The following KIRREL3 variants were observed in gnomAD, a reference collection of about 807,000 sequenced individuals.
The protein encoded by KIRREL3 is kirre like nephrin family adhesion molecule 3, also known as kin of IRRE-like protein 3.
Under a neutral mutation model 89.7 loss-of-function variants are expected in KIRREL3, and 36 were observed. That is an observed-to-expected ratio of 0.40 (90% CI 0.31 to 0.53). The LOEUF (loss-of-function observed/expected upper bound fraction) is 0.53. KIRREL3 is among the 20% of genes least tolerant of loss of function. The pLI is 0.49. For missense variants in KIRREL3, 864 were observed against 1,056.6 expected (o/e 0.82, Z 2.53); for synonymous variants, 445 against 441.4 (o/e 1.01, Z -0.10).
chr11:126,598,531 A>T (rs1942502354), intron 1 of KIRREL3, among the ~76,000 whole-genome samples: 1 of 152,134 alleles, frequency 6.6e-6, no homozygotes, highest in Non-Finnish European at 1.5e-5. Flanking sequence ...CCTGCCTGAA[A>T]TGTGGGGCTG....
Position 126,460,679 on chromosome 11 carries a change from G to C in KIRREL3, c.742+2478C>G, listed in dbSNP as rs115160565. Among the ~76,000 whole-genome samples, 500 of 152,316 alleles carry C rather than the reference G, an allele frequency of 3.3e-3. 4 individuals carry two copies. The highest frequency in any genetic ancestry group is 0.011 in the African/African-American group (460 of 41,568). ...TGGCAAGACCCAGTGTCCTCTGGAT[G>C]CAGACTGTCACCTGCACCCTGTTGA... On this transcript the variant is annotated intron_variant, in intron 6 of 16. Coordinates refer to ENST00000525144, the MANE Select transcript of KIRREL3 (RefSeq NM_032531.4).
At chr11:126,738,561 A>G (rs1384004654) in intron 1 of KIRREL3, among the ~76,000 whole-genome samples, 1 of 152,146 alleles carries the variant, frequency 6.6e-6, no homozygotes, top group Non-Finnish European at 1.5e-5. Flanking sequence ...GGAGTGCAAC[A>G]CTGTGGTTCA....
chr11:126,851,187 T>C (rs7104760), intron 1 of KIRREL3, among the ~76,000 whole-genome samples: 37,379 of 152,138 alleles, frequency 0.25, 4,641 homozygotes, highest in Admixed American at 0.31. Context: ...TGTGTGAATG[T>C]GTATTGTGCT....
intron 1 of KIRREL3, among the ~76,000 whole-genome samples, chr11:126,947,860 G>C (rs1009603212): frequency 6.6e-6 from 1 of 152,208 alleles, no homozygotes; most frequent in Non-Finnish European, 1.5e-5. Flanking sequence ...TTTGACCTCA[G>C]TCTAAATAGG....
At chr11:126,637,019 C>T (rs1944291730) in intron 1 of KIRREL3, among the ~76,000 whole-genome samples, 1 of 152,212 alleles carries the variant, frequency 6.6e-6, no homozygotes, top group Non-Finnish European at 1.5e-5. Flanking sequence ...TTCCTCCTCA[C>T]TTCTCTAGTC....
At chr11:126,439,091 C>T (rs1389659849) in intron 11 of KIRREL3, among the ~76,000 whole-genome samples, 1 of 152,198 alleles carries the variant, frequency 6.6e-6, no homozygotes, top group East Asian at 1.9e-4. Flanking sequence ...GATTTGAGTA[C>T]AAGACTCTGC....
At chr11:126,923,956 C>T (rs1038552807) in intron 1 of KIRREL3, among the ~76,000 whole-genome samples, 6 of 152,202 alleles carry the variant, frequency 3.9e-5, no homozygotes, top group African/African-American at 1.4e-4. Context: ...TCACATGATC[C>T]TGATGTGGCT....
chr11:126,923,098 TCTTCTC>T (rs201230668), intron 1 of KIRREL3, among the ~76,000 whole-genome samples: 6,292 of 89,162 alleles, frequency 0.071, 801 homozygotes, highest in African/African-American at 0.11. Context: ...TTCTTCTTCT[TCTTCTC>T]CTTCTCCTTC....
rs974485323 is a variant in KIRREL3 at position 126,624,734 on chromosome 11, C to G, written c.56-61822G>C. 1.3e-5 allele frequency among the ~76,000 whole-genome samples: 2 copies of G among 152,188 alleles called. No homozygotes were observed. Among genetic ancestry groups the G allele is most frequent in the African/African-American group, 4.8e-5 (2 of 41,456 alleles). ...ATTTTTCAAAGGGCTGAGTAATTCC[C>G]GAGCATCAATAACGTGTGTCATGAT... is the stretch of plus-strand genomic sequence containing the variant. On this transcript the variant is annotated intron_variant, in intron 1 of 16. Coordinates refer to ENST00000525144, the MANE Select transcript of KIRREL3 (RefSeq NM_032531.4). This position sits in a 1 kb window ranked among gnomAD's most constrained non-coding sequence, Gnocchi z 6.0.
At chr11:126,534,903 G>A (rs2134469052) in intron 2 of KIRREL3, among the ~76,000 whole-genome samples, 1 of 152,302 alleles carries the variant, frequency 6.6e-6, no homozygotes, top group Non-Finnish European at 1.5e-5. Context: ...AAGGGGAGGG[G>A]GGCTTGGATG....
chr11:126,430,875 G>T lies in KIRREL3; in HGVS notation c.1696+544C>A. 1 of 610,480 alleles carries T rather than the reference G, an allele frequency of 1.6e-6. No homozygotes were observed. The highest frequency in any genetic ancestry group is 2.0e-5 in the African/African-American group (1 of 50,010). 37.8% of individuals were successfully genotyped at this position (610,480 alleles called of 1,614,324 possible). On this transcript the variant is annotated intron_variant, in intron 14 of 16. Coordinates refer to ENST00000525144, the MANE Select transcript of KIRREL3 (RefSeq NM_032531.4). This position sits in a 1 kb window ranked among gnomAD's most constrained non-coding sequence, Gnocchi z 6.6. ...CCAATCTCTCACACGTTATCTCCTC[G>T]GTGCACGCAATTCTTCAAGCGTGCA...
In KIRREL3 at chr11:126,521,495, G is replaced by A; in HGVS notation, c.284-31C>T. On this transcript the variant is annotated intron_variant, in intron 3 of 16. Transcript: ENST00000525144. The surrounding 1 kb of genome is among the most constrained non-coding windows in gnomAD (Gnocchi z 4.1). Reference sequence around the variant, plus strand: ...GAGACAACAGGCAGGTCAGGGAGCTGGGGTGGGGTGGAGGGGACACCCATG... The same window carrying A: ...GAGACAACAGGCAGGTCAGGGAGCTAGGGTGGGGTGGAGGGGACACCCATG... The A allele has an allele frequency of 6.4e-7, 1 of 1,560,620 alleles. No homozygotes were observed. Among genetic ancestry groups the A allele is most frequent in the East Asian group, 2.3e-5 (1 of 42,668 alleles).
At chr11:126,850,454 G>C (rs1565350562) in intron 1 of KIRREL3, among the ~76,000 whole-genome samples, 1 of 152,176 alleles carries the variant, frequency 6.6e-6, no homozygotes, top group Non-Finnish European at 1.5e-5. Flanking sequence ...AGTTGGGGTA[G>C]AGGCAAAGCT....
Position 126,424,039 on chromosome 11 carries a change from C to T in KIRREL3, c.*541G>A, listed in dbSNP as rs1003972055. 1.3e-5 allele frequency: 2 copies of T among 159,446 alleles called. No homozygotes were observed. The highest frequency in any genetic ancestry group is 2.8e-5 in the Non-Finnish European group (2 of 72,002). 9.9% of individuals were successfully genotyped at this position (159,446 alleles called of 1,614,324 possible). ...GAGAGAGAGGCTCCTTTAGCCAAGG[C>T]CATTTCTGGCTTGTCAGCCTCCAGG... On this transcript the variant is annotated 3_prime_UTR_variant, in exon 17 of 17. Transcript: ENST00000525144.
intron 1 of KIRREL3, among the ~76,000 whole-genome samples, chr11:126,646,576 G>T (rs1944691388): frequency 6.6e-6 from 1 of 151,048 alleles, no homozygotes; most frequent in Non-Finnish European, 1.5e-5. Flanking sequence ...CTGGGTTCAG[G>T]TGATTCTCCT....
intron 1 of KIRREL3, among the ~76,000 whole-genome samples, chr11:126,577,303 T>C (rs191179867): frequency 6.6e-6 from 1 of 152,060 alleles, no homozygotes; most frequent in Non-Finnish European, 1.5e-5. Flanking sequence ...TCAGGACTTC[T>C]GCGCTCAGGT....
Position 126,997,813 on chromosome 11 carries a change from T to A in KIRREL3, c.55+2642A>T, listed in dbSNP as rs11220695. On this transcript the variant is annotated intron_variant, in intron 1 of 16. Transcript: ENST00000525144. This position sits in a 1 kb window ranked among gnomAD's most constrained non-coding sequence, Gnocchi z 4.3. ...TCCTAAGTGCCATGCAGATTCCCACTGTGAGATGTGTTGGACAGCAGATGG... is the reference window on the plus strand; with the variant it reads ...TCCTAAGTGCCATGCAGATTCCCACAGTGAGATGTGTTGGACAGCAGATGG... Among the ~76,000 whole-genome samples, 3,188 of 152,268 alleles carry A rather than the reference T, an allele frequency of 0.021. 69 individuals carry two copies. Among genetic ancestry groups the A allele is most frequent in the East Asian group, 0.12 (603 of 5,164 alleles).
intron 2 of KIRREL3, among the ~76,000 whole-genome samples, chr11:126,540,448 C>G (rs1938273578): frequency 6.6e-6 from 1 of 152,218 alleles, no homozygotes; most frequent in African/African-American, 2.4e-5. Flanking sequence ...TCCCAGGACA[C>G]AAAATCCACC....
Position 126,997,015 on chromosome 11 carries a change from C to G in KIRREL3, c.55+3440G>C, listed in dbSNP as rs1950196899. On this transcript the variant is annotated intron_variant, in intron 1 of 16. Coordinates refer to ENST00000525144, the MANE Select transcript of KIRREL3 (RefSeq NM_032531.4). This position sits in a 1 kb window ranked among gnomAD's most constrained non-coding sequence, Gnocchi z 4.3. ...GTTCTTGCCACTGTGGCTCCCCTGT[C>G]TATCTCCCCTGTCTCCGAGGTGGAG... 6.6e-6 allele frequency among the ~76,000 whole-genome samples: 1 copy of G among 152,142 alleles called. No homozygotes were observed. Among genetic ancestry groups the G allele is most frequent in the Non-Finnish European group, 1.5e-5 (1 of 68,026 alleles).
Sources: allele counts gnomAD v4.1 joint callset (sites outside exome capture counted in the v4.1 genomes callset), GRCh38; gene constraint gnomAD v4.1.1; non-coding constraint Gnocchi (gnomAD v3.1); transcripts MANE v1.5; gene names NCBI Gene and HGNC (gene_info 2026-07-23, HGNC 2026-07-21).